Variants in SMIM3 observed in about 807,000 individuals in gnomAD.
SMIM3 encodes the protein small integral membrane protein 3.
Under a neutral mutation model 2.1 loss-of-function variants are expected in SMIM3, and 4 were observed. The observed-to-expected ratio is 1.89, with a 90% CI of 0.93 to 4.31. The LOEUF (loss-of-function observed/expected upper bound fraction) is 4.31. Among genes scored for constraint, SMIM3 ranks in the 30% most tolerant of loss-of-function variants. The pLI is 0.01. For missense variants in SMIM3, 79 were observed against 77.7 expected (o/e 1.02, Z -0.06); for synonymous variants, 29 against 30.8 (o/e 0.94, Z 0.19).
chr5:150,783,715 C>A (rs1753259574), intron 1 of SMIM3, among the ~76,000 whole-genome samples: 1 of 152,180 alleles, frequency 6.6e-6, no homozygotes, highest in Non-Finnish European at 1.5e-5. Flanking sequence ...GTTGGATAAC[C>A]ATTGGCAAGC....
intron 1 of SMIM3, among the ~76,000 whole-genome samples, chr5:150,789,866 G>A (rs773030257): frequency 6.6e-6 from 1 of 152,124 alleles, no homozygotes; most frequent in African/African-American, 2.4e-5. Flanking sequence ...GCTCTGCTGG[G>A]TAGGTAGGAC....
chr5:150,793,630 C>A (rs1483652294), intron 1 of SMIM3, among the ~76,000 whole-genome samples: 1 of 152,032 alleles, frequency 6.6e-6, no homozygotes, highest in Admixed American at 6.5e-5. Context: ...TGTAGCAGAA[C>A]GAAACTGGAT....
chr5:150,785,591 T>TC (rs1419502851), intron 1 of SMIM3, among the ~76,000 whole-genome samples: 1 of 108,780 alleles, frequency 9.2e-6, no homozygotes, highest in Non-Finnish European at 1.7e-5. Context: ...TTTTTTTTTT[T>TC]TTTTTTTTTG....
chr5:150,780,761 C>T (rs1242416718), intron 1 of SMIM3, among the ~76,000 whole-genome samples: 1 of 152,112 alleles, frequency 6.6e-6, no homozygotes, highest in Non-Finnish European at 1.5e-5. Context: ...TCCATTTCTT[C>T]TCTATGGATT....
At chr5:150,793,328 A>C (rs1029660938) in intron 1 of SMIM3, among the ~76,000 whole-genome samples, 10 of 152,108 alleles carry the variant, frequency 6.6e-5, no homozygotes, top group Non-Finnish European at 1.2e-4. Flanking sequence ...CAATTCCAAA[A>C]TTCATATGGA....
Position 150,795,560 on chromosome 5 carries a change from C to T in SMIM3, c.120C>T (p.Cys40=). Residue 40 remains cysteine, a synonymous_variant, in exon 2 of 2, where the codon TGC becomes TGT. Coordinates refer to ENST00000526627, the MANE Select transcript of SMIM3 (RefSeq NM_032947.5). ...TIVIMTSLLL[C]PATAVIIYRM... ...TCATCATGACCTCGTTGTTGCTGTG[C>T]CCAGCCACTGCAGTAATCATCTATC... 6.2e-7 allele frequency: 1 copy of T among 1,604,686 alleles called. No homozygotes were observed. The highest frequency in any genetic ancestry group is 8.5e-7 in the Non-Finnish European group (1 of 1,178,064).
rs565216541 is a variant in SMIM3, at chr5:150,794,105, CA to C, written c.-11-1321del. 6.6e-5 allele frequency among the ~76,000 whole-genome samples: 10 copies of C among 152,234 alleles called. No homozygotes were observed. The East Asian group carries it at 1.2e-3, about 18-fold the overall frequency. Reference sequence around the variant, plus strand: ...CACTAATGATCAGGGAAATGCAAATCAAAACCACAATGCGATACCACCTTAA... The same window carrying C: ...CACTAATGATCAGGGAAATGCAAATCAAACCACAATGCGATACCACCTTAA... On this transcript the variant is annotated intron_variant, in intron 1 of 1. Coordinates refer to ENST00000526627, the MANE Select transcript of SMIM3 (RefSeq NM_032947.5).
In SMIM3 at chr5:150,795,446, T is replaced by C. The variant is rs1365150476; in HGVS notation, c.6T>C (p.Asp2=). ...CTGTTGCAGAGTGAAGCAACATGGA[T>C]GCAGTCAGCCAAGTCCCCATGGAAG... M[D]AVSQVPMEVV... The change falls in exon 2 of 2, where the codon GAT becomes GAC. Residue 2 remains aspartate (D), a synonymous_variant. Coordinates refer to ENST00000526627, the MANE Select transcript of SMIM3 (RefSeq NM_032947.5). The C allele has an allele frequency of 6.2e-7, 1 of 1,613,980 alleles. No individual in the cohort carries two copies. The highest frequency in any genetic ancestry group is 8.5e-7 in the Non-Finnish European group (1 of 1,179,880).
chr5:150,795,648 G>T lies in SMIM3; in HGVS notation c.*25G>T. The stretch of plus-strand genomic sequence containing the variant: ...AGAGCCTCCCAAGAGGGCCGGGTGA[G>T]GGATGAGGACAGGCATCCTATCCCC... On this transcript the variant is annotated 3_prime_UTR_variant, in exon 2 of 2. Coordinates refer to ENST00000526627, the MANE Select transcript of SMIM3 (RefSeq NM_032947.5). The T allele has an allele frequency of 1.3e-6, 2 of 1,537,042 alleles. No individual in the cohort carries two copies. The highest frequency in any genetic ancestry group is 1.7e-4 in the Middle Eastern group (1 of 5,916).
chr5:150,788,503 C>T (rs537821967), intron 1 of SMIM3, among the ~76,000 whole-genome samples: 10 of 151,532 alleles, frequency 6.6e-5, no homozygotes, highest in Non-Finnish European at 1.2e-4. Context: ...GGTGTGGTGG[C>T]GCACACCTGT....
chr5:150,784,131 A>T (rs559808306), intron 1 of SMIM3, among the ~76,000 whole-genome samples: 1 of 151,980 alleles, frequency 6.6e-6, no homozygotes, highest in South Asian at 2.1e-4. Flanking sequence ...GTTGGCCAGG[A>T]TGGTCTCCAT....
chr5:150,793,402 C>T (rs780301698), intron 1 of SMIM3, among the ~76,000 whole-genome samples: 2 of 152,176 alleles, frequency 1.3e-5, no homozygotes, highest in African/African-American at 4.8e-5. Context: ...GAAGGCATCA[C>T]ACTACCTGAT....
At chr5:150,780,375 C>G (rs969806930) in intron 1 of SMIM3, among the ~76,000 whole-genome samples, 38 of 152,162 alleles carry the variant, frequency 2.5e-4, no homozygotes, top group African/African-American at 8.2e-4. Flanking sequence ...ACATCATGTG[C>G]TTCTGCAGTG....
chr5:150,782,921 G>A (rs933638412), intron 1 of SMIM3, among the ~76,000 whole-genome samples: 3 of 152,172 alleles, frequency 2.0e-5, no homozygotes, highest in African/African-American at 7.2e-5. Context: ...TGCTCTCCCT[G>A]TGCTTGCGTT....
At chr5:150,791,418 TCCAGCCTCTGGTGA>T (rs981494290) in intron 1 of SMIM3, among the ~76,000 whole-genome samples, 22 of 152,158 alleles carry the variant, frequency 1.4e-4, no homozygotes, top group Middle Eastern at 3.4e-3. Flanking sequence ...CCCCCGACCT[TCCAGCCTCTGGTGA>T]CCACCAGAGG....
chr5:150,790,470 C>A (rs1267143995), intron 1 of SMIM3, among the ~76,000 whole-genome samples: 1 of 152,112 alleles, frequency 6.6e-6, no homozygotes, highest in East Asian at 1.9e-4. Flanking sequence ...GTGTCTTAGA[C>A]CTTGGGGAAA....
chr5:150,786,769 T>C (rs1753297960), intron 1 of SMIM3, among the ~76,000 whole-genome samples: 1 of 152,184 alleles, frequency 6.6e-6, no homozygotes, highest in African/African-American at 2.4e-5. Flanking sequence ...TATTGTCTGT[T>C]GTTTCTGATT....
intron 1 of SMIM3, among the ~76,000 whole-genome samples, chr5:150,792,688 C>G (rs1242873884): frequency 1.3e-5 from 2 of 152,068 alleles, no homozygotes; most frequent in African/African-American, 4.8e-5. Flanking sequence ...ATATAAGCCA[C>G]CATGCCAATC....
chr5:150,788,646 A>AG (rs1227904733), intron 1 of SMIM3, among the ~76,000 whole-genome samples: 1 of 151,746 alleles, frequency 6.6e-6, no homozygotes, highest in African/African-American at 2.4e-5. Flanking sequence ...AAAAAAAAAA[A>AG]AAAGAAAAAA....
Sources: gnomAD v4.1 joint callset for allele counts (sites outside exome capture counted in the v4.1 genomes callset) on GRCh38, gnomAD v4.1.1 for gene constraint, MANE v1.5 for transcripts, NCBI Gene and HGNC (gene_info 2026-07-23, HGNC 2026-07-21) for gene names.